PDE4D: variants seen among roughly 807,000 people sequenced by gnomAD.
The protein encoded by PDE4D is phosphodiesterase 4D, also known as 3',5'-cyclic-AMP phosphodiesterase 4D.
Under a neutral mutation model 87.4 loss-of-function variants are expected in PDE4D, and 24 were observed. The observed-to-expected ratio is 0.27, with a 90% confidence interval of 0.20 to 0.39. The LOEUF is 0.39. Ranked by LOEUF, PDE4D falls within the 10% of genes least tolerant of loss-of-function variation. The pLI is 1.00. For missense variants in PDE4D, 714 were observed against 1,041.0 expected, an observed-to-expected ratio of 0.69 and a Z score of 4.32; for synonymous variants, 384 against 383.2, an observed-to-expected ratio of 1.00 and a Z score of -0.02.
intron 1 of PDE4D, among the ~76,000 whole-genome samples, chr5:60,407,322 A>G (rs897099177): frequency 2.0e-5 from 3 of 152,064 alleles, no homozygotes; most frequent in Non-Finnish European, 4.4e-5. Context: ...GCACATGTGC[A>G]GTAAATGTAA....
chr5:60,023,372 A>C (rs1766281406), intron 2 of PDE4D, among the ~76,000 whole-genome samples: 1 of 152,058 alleles, frequency 6.6e-6, no homozygotes, highest in Non-Finnish European at 1.5e-5. Flanking sequence ...CATGGTTTAT[A>C]CCTACCATTG....
At chr5:60,127,175 A>G (rs1779188740) in intron 2 of PDE4D, among the ~76,000 whole-genome samples, 1 of 152,154 alleles carries the variant, frequency 6.6e-6, no homozygotes, top group Non-Finnish European at 1.5e-5. Flanking sequence ...TCGGTGTACA[A>G]GAAGCTGAGG....
intron 1 of PDE4D, among the ~76,000 whole-genome samples, chr5:59,856,313 C>T (rs748072344): frequency 1.1e-4 from 17 of 151,934 alleles, no homozygotes; most frequent in African/African-American, 3.6e-4. Context: ...ACAATACAGG[C>T]GAAGAGAAGA....
chr5:59,588,831 C>T (rs937407510), intron 1 of PDE4D, among the ~76,000 whole-genome samples: 1 of 152,156 alleles, frequency 6.6e-6, no homozygotes, highest in East Asian at 1.9e-4. Context: ...GTCCTCATGA[C>T]CCCTTTTTGC....
intron 1 of PDE4D, among the ~76,000 whole-genome samples, chr5:59,651,264 T>C (rs780178386): frequency 0.1 from 10,935 of 104,826 alleles, 523 homozygotes; most frequent in African/African-American, 0.17. Context: ...TCAACAATAA[T>C]AATAATAATA....
intron 1 of PDE4D, among the ~76,000 whole-genome samples, chr5:60,363,123 T>C (rs1760221331): frequency 6.6e-6 from 1 of 152,206 alleles, no homozygotes; most frequent in South Asian, 2.1e-4. Flanking sequence ...ACTACATTTA[T>C]TTAATGGTCT....
chr5:60,340,277 C>T (rs886988740), intron 1 of PDE4D, among the ~76,000 whole-genome samples: 4 of 128,050 alleles, frequency 3.1e-5, no homozygotes, highest in Admixed American at 1.5e-4. Flanking sequence ...GTACAGCATC[C>T]TATTTTTTTT....
chr5:59,078,719 C>G (rs1766140030), intron 5 of PDE4D, among the ~76,000 whole-genome samples: 1 of 151,948 alleles, frequency 6.6e-6, no homozygotes, highest in Non-Finnish European at 1.5e-5. Context: ...TCATGTTGCT[C>G]AGGCAGGTTG....
At chr5:59,883,683 T>C (rs1749772886) in intron 1 of PDE4D, among the ~76,000 whole-genome samples, 1 of 152,230 alleles carries the variant, frequency 6.6e-6, no homozygotes, top group Non-Finnish European at 1.5e-5. Flanking sequence ...CAATATATTT[T>C]ACCAAGCAAC....
At chr5:60,025,356 C>A (rs1766516518) in intron 2 of PDE4D, among the ~76,000 whole-genome samples, 1 of 152,132 alleles carries the variant, frequency 6.6e-6, no homozygotes, top group Admixed American at 6.6e-5. Context: ...ACTACTCCAG[C>A]AACTAATGAT....
chr5:60,279,684 C>CT (rs34720711), intron 1 of PDE4D, among the ~76,000 whole-genome samples: 29,697 of 138,492 alleles, frequency 0.21, 4,438 homozygotes, highest in African/African-American at 0.42. Context: ...TTGTTGATTT[C>CT]TTTTTTTTTT....
At chr5:59,036,492 C>T (rs1758520577) in intron 6 of PDE4D, among the ~76,000 whole-genome samples, 1 of 152,180 alleles carries the variant, frequency 6.6e-6, no homozygotes, top group Admixed American at 6.5e-5. Flanking sequence ...TACACATTTC[C>T]AGTTCAGACT....
chr5:59,874,366 T>C (rs1178329676), intron 1 of PDE4D, among the ~76,000 whole-genome samples: 1 of 152,166 alleles, frequency 6.6e-6, no homozygotes, highest in Non-Finnish European at 1.5e-5. Context: ...TTTGACACCA[T>C]GAATAAAACT....
chr5:60,371,451 A>G (rs927684400), intron 1 of PDE4D, among the ~76,000 whole-genome samples: 2 of 152,118 alleles, frequency 1.3e-5, no homozygotes, highest in Non-Finnish European at 2.9e-5. Context: ...TTTTTTTCCT[A>G]GCTGCACTTG....
chr5:60,462,174 C>T (rs1746998163), intron 1 of PDE4D, among the ~76,000 whole-genome samples: 1 of 152,170 alleles, frequency 6.6e-6, no homozygotes, highest in Non-Finnish European at 1.5e-5. Flanking sequence ...CCCTTCTAGA[C>T]TCTTCCCCAA....
intron 2 of PDE4D, among the ~76,000 whole-genome samples, chr5:60,146,732 T>C (rs916716890): frequency 7.2e-5 from 11 of 152,182 alleles, no homozygotes; most frequent in Non-Finnish European, 1.5e-4. Context: ...GATATGAATA[T>C]TCGCACCTGA....
In PDE4D at chr5:59,039,356, G is replaced by A. The variant is rs543420048; in HGVS notation, c.809-385C>T. ...CGGATGGCGAGGGGGTGGCGAGCGC[G>A]CTTGGGTGCCCGCCCCGCAGAGGAG... is the stretch of plus-strand genomic sequence containing the variant. On this transcript the variant is annotated intron_variant, in intron 5 of 14. Coordinates refer to ENST00000340635, the MANE Select transcript of PDE4D (RefSeq NM_001104631.2). 2.3e-4 allele frequency: 242 copies of A among 1,032,886 alleles called. 2 individuals carry two copies. The South Asian group carries it at 2.8e-3, about 12-fold the overall frequency. The allele number at this position is 1,032,886 out of a possible 1,614,324, so 64.0% of individuals were successfully genotyped here. A position where few individuals can be genotyped will look rare whatever the true frequency, so the allele number is the denominator to read the frequency against.
intron 3 of PDE4D, among the ~76,000 whole-genome samples, chr5:59,935,622 G>A (rs1450894910): frequency 6.6e-6 from 1 of 152,050 alleles, no homozygotes; most frequent in African/African-American, 2.4e-5. Context: ...TACAAAAATG[G>A]GTAGATAAAA....
At chr5:59,541,082 T>A (rs566958373) in intron 1 of PDE4D, among the ~76,000 whole-genome samples, 1 of 152,332 alleles carries the variant, frequency 6.6e-6, no homozygotes, top group South Asian at 2.1e-4. Context: ...AAGAAGCAAG[T>A]GTACCATGCT....
Sources: gnomAD v4.1 joint callset for allele counts (sites outside exome capture counted in the v4.1 genomes callset) on GRCh38, gnomAD v4.1.1 for gene constraint, MANE v1.5 for transcripts, NCBI Gene and HGNC (gene_info 2026-07-23, HGNC 2026-07-21) for gene names.